Variants in DIP2B observed in about 807,000 individuals in gnomAD.
DIP2B encodes DIP2 acetate--CoA ligase B (putative), also known as disco-interacting protein 2 homolog B.
In DIP2B, 76 loss-of-function variants were observed where a neutral mutation model predicts 198.0. That is an observed-to-expected ratio of 0.38 (90% confidence interval 0.32 to 0.46). The LOEUF (loss-of-function observed/expected upper bound fraction) is 0.46, where lower values mean the gene tolerates loss of function less well. Ranked by LOEUF, DIP2B falls within the 20% of genes least tolerant of loss-of-function variation. The probability of loss-of-function intolerance (pLI) is 0.99; values close to 1 mark genes in which losing one functional copy is unlikely to be tolerated. For missense variants in DIP2B, 1,559 were observed against 1,978.4 expected (o/e 0.79, Z 4.02); for synonymous variants, 701 against 739.1 (o/e 0.95, Z 0.84).
intron 31 of DIP2B, among the ~76,000 whole-genome samples, chr12:50,731,833 C>CT (rs905934892): frequency 3.9e-5 from 6 of 152,036 alleles, no homozygotes; most frequent in African/African-American, 1.4e-4. Flanking sequence ...GCTTCCAATA[C>CT]TTTTTTTTCC....
intron 1 of DIP2B, among the ~76,000 whole-genome samples, chr12:50,599,553 G>A (rs571756870): frequency 2.5e-4 from 38 of 152,202 alleles, no homozygotes; most frequent in African/African-American, 9.2e-4. Context: ...GGAGGCGGAA[G>A]TTGAGTGAGC....
In DIP2B at chr12:50,731,547, A is replaced by G. The variant is rs760779976; in HGVS notation, c.3810+10A>G. The stretch of plus-strand genomic sequence containing the variant: ...AGTGGAAGTGCTAAAGGTAAGAAGC[A>G]GCTCCAGCAGGTGGCCAGTCCCAAA... On this transcript the variant is annotated intron_variant, in intron 31 of 37. Coordinates refer to ENST00000301180, the MANE Select transcript of DIP2B (RefSeq NM_173602.3). 6.2e-7 allele frequency: 1 copy of G among 1,604,792 alleles called. No individual in the cohort carries two copies. Among genetic ancestry groups the G allele is most frequent in the African/African-American group, 1.3e-5 (1 of 74,776 alleles).
intron 1 of DIP2B, among the ~76,000 whole-genome samples, chr12:50,560,819 C>T (rs1402392728): frequency 6.6e-6 from 1 of 152,170 alleles, no homozygotes; most frequent in East Asian, 1.9e-4. Context: ...TGATCTTTCT[C>T]AATTTACAGC....
chr12:50,578,374 T>A (rs905357458), intron 1 of DIP2B, among the ~76,000 whole-genome samples: 5 of 152,040 alleles, frequency 3.3e-5, no homozygotes, highest in African/African-American at 9.7e-5. Flanking sequence ...TGTTTGAAGA[T>A]TATGTGTTGG....
At chr12:50,530,150 C>T (rs1220992478) in intron 1 of DIP2B, among the ~76,000 whole-genome samples, 1 of 152,010 alleles carries the variant, frequency 6.6e-6, no homozygotes. Flanking sequence ...GATCTCGGCT[C>T]ACTGCAAGCT....
Position 50,698,331 on chromosome 12 carries a change from T to C in DIP2B, c.2052T>C (p.Pro684=). ...CTTGATGGGTTCTTCTTTTCAGGCC[T>C]GGAGTTCCAGGAGCCCCTTTGCCAG... is the stretch of plus-strand genomic sequence containing the variant. ...AEAMTVAIRR[P]GVPGAPLPGR... Residue 684 remains proline (P), a synonymous_variant, in exon 18 of 38, where the codon CCT becomes CCC. Coordinates refer to ENST00000301180, the MANE Select transcript of DIP2B (RefSeq NM_173602.3). 6.2e-7 allele frequency: 1 copy of C among 1,612,268 alleles called. No individual in the cohort carries two copies. Among genetic ancestry groups the C allele is most frequent in the South Asian group, 1.1e-5 (1 of 90,562 alleles).
chr12:50,525,420 G>T (rs1958154558), intron 1 of DIP2B, among the ~76,000 whole-genome samples: 1 of 151,686 alleles, frequency 6.6e-6, no homozygotes, highest in Admixed American at 6.6e-5. Context: ...ATTTAAAAGA[G>T]GGTGGTCATC....
At position 50,529,965 on chromosome 12, in the gene DIP2B, G is replaced by A. The variant is rs570138849; in HGVS notation, c.100+24725G>A. On this transcript the variant is annotated intron_variant, in intron 1 of 37. Transcript: ENST00000301180. ...CACGGGAAATTATTGCTATAGTAAA[G>A]CATGAATTGAAAATTAAGATCAAAC... 4.6e-5 allele frequency among the ~76,000 whole-genome samples: 7 copies of A among 152,324 alleles called. No homozygotes were observed. In the South Asian group the frequency reaches 1.0e-3, roughly 23 times the overall value.
chr12:50,687,956 G>A (rs1178255833), intron 12 of DIP2B, among the ~76,000 whole-genome samples: 1 of 151,324 alleles, frequency 6.6e-6, no homozygotes, highest in Non-Finnish European at 1.5e-5. Context: ...GTTCACGCCT[G>A]TAATCCTGGC....
At chr12:50,721,198 G>A in intron 25 of DIP2B, 75 bp from the exon 26 acceptor site, 2 of 1,548,434 alleles carry the variant, frequency 1.3e-6, no homozygotes, top group Non-Finnish European at 8.7e-7. Context: ...CAGGTATGAT[G>A]TTGAATTGGC....
intron 1 of DIP2B, among the ~76,000 whole-genome samples, chr12:50,552,992 T>C (rs1958440185): frequency 6.6e-6 from 1 of 152,058 alleles, no homozygotes; most frequent in Non-Finnish European, 1.5e-5. Context: ...TGCGCCACCA[T>C]GCCCGGCTAA....
chr12:50,713,591 C>A (rs1433245027), intron 22 of DIP2B, among the ~76,000 whole-genome samples: 3 of 152,142 alleles, frequency 2.0e-5, no homozygotes, highest in Non-Finnish European at 4.4e-5. Context: ...ATGGGCCTCA[C>A]CCCAGATGTT....
intron 15 of DIP2B, 141 bp from the exon 16 acceptor site, chr12:50,695,707 C>G: frequency 8.3e-7 from 1 of 1,200,766 alleles, no homozygotes; most frequent in Non-Finnish European, 1.2e-6. Context: ...GAGCTATTGG[C>G]ACAATCTCTT....
chr12:50,663,638 T>A (rs1195147401), intron 4 of DIP2B, among the ~76,000 whole-genome samples: 1 of 151,686 alleles, frequency 6.6e-6, no homozygotes, highest in East Asian at 1.9e-4. Flanking sequence ...TTTGGGAGGC[T>A]GAGGTGGGAG....
intron 1 of DIP2B, among the ~76,000 whole-genome samples, chr12:50,565,586 A>G (rs1365325186): frequency 6.6e-6 from 1 of 152,056 alleles, no homozygotes; most frequent in African/African-American, 2.4e-5. Context: ...ATGGCATTCT[A>G]AGAGCTCTGG....
At chr12:50,638,996 A>G (rs1261589733) in intron 2 of DIP2B, among the ~76,000 whole-genome samples, 1 of 151,870 alleles carries the variant, frequency 6.6e-6, no homozygotes, top group African/African-American at 2.4e-5. Flanking sequence ...GGATTTGGGT[A>G]TTTGGGGTGT....
At chr12:50,688,238 A>C (rs1939164709) in intron 12 of DIP2B, among the ~76,000 whole-genome samples, 1 of 152,140 alleles carries the variant, frequency 6.6e-6, no homozygotes. Flanking sequence ...TGGAAGGCCA[A>C]ATAGGAGGAC....
At chr12:50,700,449 A>G (rs957287194) in intron 19 of DIP2B, among the ~76,000 whole-genome samples, 1 of 152,188 alleles carries the variant, frequency 6.6e-6, no homozygotes, top group Non-Finnish European at 1.5e-5. Context: ...TTCTTTTTCT[A>G]TAATCTAGAC....
At chr12:50,703,671 CAG>C (rs1421662404) in intron 19 of DIP2B, among the ~76,000 whole-genome samples, 3 of 152,066 alleles carry the variant, frequency 2.0e-5, no homozygotes, top group African/African-American at 7.2e-5. Flanking sequence ...GGCTGCAAAA[CAG>C]GGCTCAGAAA....
Sources: gnomAD v4.1 joint callset for allele counts (sites outside exome capture counted in the v4.1 genomes callset) on GRCh38, gnomAD v4.1.1 for gene constraint, MANE v1.5 for transcripts, NCBI Gene and HGNC (gene_info 2026-07-23, HGNC 2026-07-21) for gene names.